PXDNL: variants seen among roughly 807,000 people sequenced by gnomAD.
The protein encoded by PXDNL is probable oxidoreductase PXDNL.
PXDNL carries 145 observed loss-of-function variants against 150.8 expected under a neutral mutation model. The ratio of observed to expected loss-of-function variants is 0.96; its 90% confidence interval spans 0.84 to 1.10. The LOEUF is 1.10. Among genes scored for constraint, PXDNL ranks in the 50% least tolerant of loss-of-function variants. The pLI is 0.00. For missense variants in PXDNL, 2,087 were observed against 1,873.9 expected (o/e 1.11, Z -2.10); for synonymous variants, 757 against 725.7 (o/e 1.04, Z -0.69).
intron 1 of PXDNL, among the ~76,000 whole-genome samples, chr8:51,750,249 A>G (rs181108257): frequency 2.2e-3 from 329 of 152,194 alleles, no homozygotes; most frequent in Non-Finnish European, 3.9e-3. Context: ...ACATTATCCC[A>G]GGCCTGCACA....
intron 17 of PXDNL, among the ~76,000 whole-genome samples, chr8:51,376,711 TTC>T (rs545284646): frequency 4.6e-5 from 7 of 151,252 alleles, no homozygotes; most frequent in South Asian, 2.1e-4. Context: ...TTTGCTTCTC[TTC>T]TCTCTCTCTC....
intron 5 of PXDNL, among the ~76,000 whole-genome samples, chr8:51,493,446 C>T (rs118022559): frequency 5.9e-5 from 9 of 152,110 alleles, no homozygotes; most frequent in Non-Finnish European, 1.2e-4. Flanking sequence ...TGACTTTTGA[C>T]GAATTGAGAG....
intron 1 of PXDNL, among the ~76,000 whole-genome samples, chr8:51,682,751 A>G (rs542336401): frequency 6.6e-6 from 1 of 152,000 alleles, no homozygotes; most frequent in East Asian, 1.9e-4. Flanking sequence ...TGACCATACG[A>G]GAGAGAGAGA....
In PXDNL at chr8:51,654,778, T is replaced by C; in HGVS notation, c.165-18A>G. The C allele has an allele frequency of 1.3e-6, 2 of 1,592,214 alleles. No homozygotes were observed. Among genetic ancestry groups the C allele is most frequent in the Non-Finnish European group, 1.7e-6 (2 of 1,160,794 alleles). On this transcript the variant is annotated intron_variant, in intron 1 of 22. Coordinates refer to ENST00000356297, the MANE Select transcript of PXDNL (RefSeq NM_144651.5). The stretch of plus-strand genomic sequence containing the variant: ...TCAAGTCTCTGGGAACATAAAAAGG[T>C]GAAGAACGATTATAATATGTTGACT...
chr8:51,690,987 C>T (rs1815984488), intron 1 of PXDNL, among the ~76,000 whole-genome samples: 1 of 152,138 alleles, frequency 6.6e-6, no homozygotes, highest in African/African-American at 2.4e-5. Context: ...AGTGTCTGTT[C>T]ATATCCTTTG....
chr8:51,774,974 A>G (rs934100208), intron 1 of PXDNL, among the ~76,000 whole-genome samples: 5 of 152,248 alleles, frequency 3.3e-5, no homozygotes, highest in African/African-American at 9.6e-5. Flanking sequence ...TTTACTCTGC[A>G]TAGAATTCAC....
chr8:51,633,418 T>C (rs1172555713), intron 2 of PXDNL, among the ~76,000 whole-genome samples: 1 of 151,934 alleles, frequency 6.6e-6, no homozygotes, highest in East Asian at 1.9e-4. Flanking sequence ...TACCCTGCAA[T>C]GAGATTGCTG....
intron 7 of PXDNL, among the ~76,000 whole-genome samples, chr8:51,474,736 A>C (rs1263975604): frequency 1.3e-5 from 2 of 152,164 alleles, no homozygotes; most frequent in African/African-American, 4.8e-5. Context: ...AAATTACGGA[A>C]ATTAGATTAA....
chr8:51,406,861 A>G (rs981274867), intron 17 of PXDNL, among the ~76,000 whole-genome samples: 2 of 152,224 alleles, frequency 1.3e-5, no homozygotes, highest in African/African-American at 4.8e-5. Flanking sequence ...CCACAGGGCT[A>G]CATCTGAGCA....
intron 14 of PXDNL, among the ~76,000 whole-genome samples, chr8:51,422,909 T>C (rs1246944679): frequency 6.6e-6 from 1 of 152,216 alleles, no homozygotes; most frequent in Non-Finnish European, 1.5e-5. Flanking sequence ...TACAGTCTAC[T>C]CAAGTCTGCC....
chr8:51,610,804 C>T (rs1249684524), intron 2 of PXDNL, among the ~76,000 whole-genome samples: 1 of 152,220 alleles, frequency 6.6e-6, no homozygotes, highest in African/African-American at 2.4e-5. Flanking sequence ...GGACACATTT[C>T]TCCATAGGCA....
At chr8:51,695,893 G>T (rs1816111539) in intron 1 of PXDNL, among the ~76,000 whole-genome samples, 4 of 152,130 alleles carry the variant, frequency 2.6e-5, no homozygotes, top group Admixed American at 2.6e-4. Flanking sequence ...TCCTTCACAG[G>T]CTAGTGGTTT....
chr8:51,369,418 C>T (rs1363037659), intron 19 of PXDNL, among the ~76,000 whole-genome samples: 3 of 152,140 alleles, frequency 2.0e-5, no homozygotes, highest in African/African-American at 7.2e-5. Context: ...GAAAGTGGTC[C>T]ACTTTGGAGC....
At chr8:51,801,876 C>G (rs1465857924) in intron 1 of PXDNL, among the ~76,000 whole-genome samples, 3 of 152,174 alleles carry the variant, frequency 2.0e-5, no homozygotes, top group Non-Finnish European at 4.4e-5. Context: ...GTTGGGAAAT[C>G]TACCTTTGGG....
intron 8 of PXDNL, among the ~76,000 whole-genome samples, chr8:51,459,182 C>A (rs1241783817): frequency 6.6e-6 from 1 of 152,328 alleles, no homozygotes; most frequent in Non-Finnish European, 1.5e-5. Context: ...GTAATCCCAG[C>A]ACTTTGGGAG....
chr8:51,676,724 C>G (rs1423488071), intron 1 of PXDNL, among the ~76,000 whole-genome samples: 1 of 152,200 alleles, frequency 6.6e-6, no homozygotes, highest in Admixed American at 6.5e-5. Flanking sequence ...TCTTCTATCA[C>G]AATTAGTTTT....
rs1450636066 is a variant in PXDNL, at chr8:51,809,069, G to C, written c.164+112C>G. 5.4e-6 allele frequency: 6 copies of C among 1,116,612 alleles called. No individual in the cohort carries two copies. In the African/African-American group the frequency reaches 9.5e-5, roughly 18 times the overall value. The allele number at this position is 1,116,612 out of a possible 1,614,324, so 69.2% of individuals were successfully genotyped here. On this transcript the variant is annotated intron_variant, in intron 1 of 22. Transcript: ENST00000356297. The stretch of plus-strand genomic sequence containing the variant: ...TTGAAAAGTGAAAAGCCTCTTCTAA[G>C]TATACAAGCAGGGAGAGCATTAGGA...
intron 10 of PXDNL, among the ~76,000 whole-genome samples, chr8:51,451,069 G>A (rs1217691089): frequency 6.6e-6 from 1 of 151,708 alleles, no homozygotes; most frequent in African/African-American, 2.4e-5. Flanking sequence ...CTAGTGTTGG[G>A]AAATTTGATT....
At chr8:51,432,503 T>C (rs923147135) in intron 12 of PXDNL, among the ~76,000 whole-genome samples, 1 of 152,262 alleles carries the variant, frequency 6.6e-6, no homozygotes, top group Non-Finnish European at 1.5e-5. Flanking sequence ...AGAATTAGCA[T>C]CTTTACAATA....
Sources: allele counts gnomAD v4.1 joint callset (sites outside exome capture counted in the v4.1 genomes callset), GRCh38; gene constraint gnomAD v4.1.1; transcripts MANE v1.5; gene names NCBI Gene and HGNC (gene_info 2026-07-23, HGNC 2026-07-21).